Variants in BIRC6 observed in about 807,000 individuals in gnomAD.
BIRC6 encodes baculoviral IAP repeat containing 6.
Under a neutral mutation model 503.3 loss-of-function variants are expected in BIRC6, and 98 were observed. The ratio of observed to expected loss-of-function variants is 0.19; its 90% CI spans 0.17 to 0.23. The LOEUF (loss-of-function observed/expected upper bound fraction) is 0.23, where lower values mean the gene tolerates loss of function less well. Among genes scored for constraint, BIRC6 ranks in the 10% least tolerant of loss-of-function variants. The pLI, the probability that BIRC6 is intolerant of heterozygous loss-of-function variation, is 1.00. For synonymous variants in BIRC6, 2,240 were observed against 2,078.7 expected (o/e 1.08, Z -2.11); for missense variants, 5,360 against 5,806.0 (o/e 0.92, Z 2.50).
At chr2:32,566,830 T>C (rs1323289190) in intron 65 of BIRC6, among the ~76,000 whole-genome samples, 2 of 152,216 alleles carry the variant, frequency 1.3e-5, no homozygotes, top group Non-Finnish European at 2.9e-5. Context: ...CAGTTGATTG[T>C]TATATAAAAT....
chr2:32,453,951 A>C lies in BIRC6; in HGVS notation c.4753+9A>C, dbSNP rs370208043. The C allele has an allele frequency of 6.7e-5, 108 of 1,605,064 alleles. 1 individual carries two copies. The highest frequency in any genetic ancestry group is 9.0e-5 in the Non-Finnish European group (105 of 1,172,838). ...AGAAAGGGATGATGCAAGTACGTTTACTGGTATATACCTTCTTTTATTATA... is the reference window on the plus strand; with the variant it reads ...AGAAAGGGATGATGCAAGTACGTTTCCTGGTATATACCTTCTTTTATTATA... On this transcript the variant is annotated intron_variant, in intron 23 of 73. Coordinates refer to ENST00000421745, the MANE Select transcript of BIRC6 (RefSeq NM_016252.4).
chr2:32,531,656 C>G (rs1203097714), intron 61 of BIRC6, 105 bp downstream of exon 61: 1 of 1,028,674 alleles, frequency 9.7e-7, no homozygotes, highest in Non-Finnish European at 1.4e-6. Context: ...TAGAAATACC[C>G]TTTGCTTTAT....
intron 57 of BIRC6, 31 bp from the exon 58 acceptor site, chr2:32,524,857 G>A (rs199618670): frequency 7.7e-7 from 1 of 1,306,066 alleles, no homozygotes; most frequent in South Asian, 1.8e-5. Flanking sequence ...ATTTGGAAAA[G>A]CAGTGTATTT....
In BIRC6 at chr2:32,471,006, C is replaced by T; in HGVS notation, c.6482-8C>T. 2 of 1,560,198 alleles carry T rather than the reference C, an allele frequency of 1.3e-6. No individual in the cohort carries two copies. Among genetic ancestry groups the T allele is most frequent in the South Asian group, 1.2e-5 (1 of 84,574 alleles). ...GGATGTTTTTCCTTTGCTGTCATCT[C>T]TCTCCAGGAGTACTAGATATTCCCA... On this transcript the variant is annotated splice_polypyrimidine_tract_variant and splice_region_variant and intron_variant, in intron 31 of 73. Transcript: ENST00000421745.
intron 71 of BIRC6, 55 bp from the exon 72 acceptor site, chr2:32,607,400 G>C (rs965765338): frequency 5.5e-6 from 7 of 1,267,712 alleles, no homozygotes; most frequent in South Asian, 2.1e-5. Flanking sequence ...CAGGATATCA[G>C]TTAACCCACA....
chr2:32,585,847 T>C (rs993271619), intron 66 of BIRC6, among the ~76,000 whole-genome samples: 1 of 152,214 alleles, frequency 6.6e-6, no homozygotes, highest in African/African-American at 2.4e-5. Flanking sequence ...CTAACTTTTA[T>C]GTAGGATTTA....
intron 1 of BIRC6, among the ~76,000 whole-genome samples, chr2:32,367,397 G>C (rs1214793942): frequency 6.6e-6 from 1 of 151,960 alleles, no homozygotes; most frequent in Non-Finnish European, 1.5e-5. Flanking sequence ...GGGAGGCAGA[G>C]GTTTGCACTG....
At position 32,464,786 on chromosome 2, in the gene BIRC6, T is replaced by C. The variant is rs1312040325; in HGVS notation, c.5219T>C (p.Leu1740Pro). The C allele has an allele frequency of 1.2e-6, 2 of 1,612,644 alleles. No homozygotes were observed. Among genetic ancestry groups the C allele is most frequent in the African/African-American group, 1.3e-5 (1 of 74,886 alleles). The change falls in exon 25 of 74, where the codon CTT becomes CCT. Residue 1740 changes from leucine (L) to proline (P), a missense_variant. Coordinates refer to ENST00000421745, the MANE Select transcript of BIRC6 (RefSeq NM_016252.4). Reference protein sequence around the residue: ...GSVIDPPAVNLAAHNKNSNKS... With the variant: ...GSVIDPPAVNPAAHNKNSNKS... ...GTCATTGATCCCCCAGCAGTCAATCTTGCTGCACATAACAAAAATTCCAAC... is the reference window on the plus strand; with the variant it reads ...GTCATTGATCCCCCAGCAGTCAATCCTGCTGCACATAACAAAAATTCCAAC...
chr2:32,418,794 A>G (rs1428042271), intron 10 of BIRC6, among the ~76,000 whole-genome samples: 1 of 152,194 alleles, frequency 6.6e-6, no homozygotes, highest in African/African-American at 2.4e-5. Context: ...ATTTAAATAA[A>G]AGTATTGGCC....
intron 1 of BIRC6, among the ~76,000 whole-genome samples, chr2:32,362,116 AGTGGCT>A (rs1305892066): frequency 1.3e-5 from 2 of 152,174 alleles, no homozygotes; most frequent in Non-Finnish European, 2.9e-5. Context: ...ACAGACTCTT[AGTGGCT>A]GTGTACCATT....
intron 23 of BIRC6, among the ~76,000 whole-genome samples, chr2:32,460,676 T>C (rs971276989): frequency 2.0e-5 from 3 of 151,976 alleles, no homozygotes; most frequent in Non-Finnish European, 2.9e-5. Flanking sequence ...GATTTCTGAT[T>C]AGTTCTATAG....
intron 1 of BIRC6, among the ~76,000 whole-genome samples, chr2:32,363,522 C>G (rs548140780): frequency 2.6e-5 from 4 of 152,204 alleles, no homozygotes; most frequent in African/African-American, 9.6e-5. Flanking sequence ...TGTTCTCTTA[C>G]TTAATTACTG....
chr2:32,471,297 A>G, intron 32 of BIRC6, 173 bp downstream of exon 32: 1 of 464,544 alleles, frequency 2.2e-6, no homozygotes, highest in Non-Finnish European at 2.8e-6. Context: ...TTTAAAGATA[A>G]CATTTATACT....
intron 16 of BIRC6, among the ~76,000 whole-genome samples, chr2:32,440,319 G>T (rs1025379601): frequency 1.3e-5 from 2 of 152,142 alleles, no homozygotes; most frequent in Non-Finnish European, 2.9e-5. Context: ...TATGCCCTCT[G>T]TTGGCAACTC....
chr2:32,515,727 A>G lies in BIRC6; in HGVS notation c.11306A>G (p.Gln3769Arg), dbSNP rs946303502. The G allele has an allele frequency of 3.1e-6, 5 of 1,600,940 alleles. No individual in the cohort carries two copies. Among genetic ancestry groups the G allele is most frequent in the Admixed American group, 3.3e-5 (2 of 60,004 alleles). ...IENATVAFFL[Q>R]CISCHPNNQK... Reference sequence around the variant, plus strand: ...AATGCAACTGTTGCGTTCTTTCTACAGTGCATTTCATGCCATCCTAATAAT... The same window carrying G: ...AATGCAACTGTTGCGTTCTTTCTACGGTGCATTTCATGCCATCCTAATAAT... Residue 3769 changes from glutamine (Q) to arginine (R), a missense_variant, in exon 55 of 74, where the codon CAG becomes CGG. Physicochemically the swap from Gln to Arg is conservative, Grantham distance 43 (BLOSUM62 1). Transcript: ENST00000421745.
chr2:32,362,783 T>C (rs1049325851), intron 1 of BIRC6, among the ~76,000 whole-genome samples: 4 of 151,794 alleles, frequency 2.6e-5, no homozygotes, highest in African/African-American at 9.7e-5. Context: ...GATCCCAGTG[T>C]CTTAAAAATT....
intron 65 of BIRC6, among the ~76,000 whole-genome samples, chr2:32,552,349 T>C (rs1211371128): frequency 6.6e-6 from 1 of 152,182 alleles, no homozygotes; most frequent in Non-Finnish European, 1.5e-5. Context: ...ATGTAGCTGG[T>C]TAGCTAAGTC....
chr2:32,536,621 T>C (rs772738474), intron 61 of BIRC6, among the ~76,000 whole-genome samples: 2 of 152,204 alleles, frequency 1.3e-5, no homozygotes, highest in Non-Finnish European at 2.9e-5. Context: ...GTTGTAGATA[T>C]GTGGCATTAT....
chr2:32,357,060 C>T lies in BIRC6; in HGVS notation c.-102C>T. ...TTCTCCCCCTCTCCCGTCAGCCTCCCTCCGAGTTTGGCCCCTCCGGCCGGG... is the reference window on the plus strand; with the variant it reads ...TTCTCCCCCTCTCCCGTCAGCCTCCTTCCGAGTTTGGCCCCTCCGGCCGGG... On this transcript the variant is annotated 5_prime_UTR_variant, in exon 1 of 74. Transcript: ENST00000421745. The surrounding 1 kb of genome is among the most constrained non-coding windows in gnomAD (Gnocchi z 4.9). The T allele has an allele frequency of 4.7e-6, 5 of 1,065,928 alleles. No individual in the cohort carries two copies. The highest frequency in any genetic ancestry group is 3.7e-5 in the Admixed American group (1 of 27,286). The allele number at this position is 1,065,928 out of a possible 1,614,324, so 66.0% of individuals were successfully genotyped here. A position where few individuals can be genotyped will look rare whatever the true frequency, so the allele number is the denominator to read the frequency against.
Sources: allele counts gnomAD v4.1 joint callset (sites outside exome capture counted in the v4.1 genomes callset), GRCh38; gene constraint gnomAD v4.1.1; non-coding constraint Gnocchi (gnomAD v3.1); transcripts MANE v1.5; gene names NCBI Gene and HGNC (gene_info 2026-07-23, HGNC 2026-07-21).